The following AHCTF1 variants were observed in gnomAD, a reference collection of about 807,000 sequenced individuals.
The protein encoded by AHCTF1 is protein ELYS.
A neutral mutation model predicts 248.4 loss-of-function variants in AHCTF1; 24 were observed. The ratio of observed to expected loss-of-function variants is 0.10; its 90% CI spans 0.07 to 0.14. AHCTF1 has a LOEUF of 0.14. Among genes scored for constraint, AHCTF1 ranks in the 10% least tolerant of loss-of-function variants. The probability of loss-of-function intolerance (pLI) is 1.00; values close to 1 mark genes in which losing one functional copy is unlikely to be tolerated. For synonymous variants in AHCTF1, 786 were observed against 929.8 expected (o/e 0.85, Z 2.81); for missense variants, 2,206 against 2,636.2 (o/e 0.84, Z 3.57).
At chr1:246,852,597 C>T (rs185139212) in intron 32 of AHCTF1, among the ~76,000 whole-genome samples, 6 of 151,954 alleles carry the variant, frequency 3.9e-5, no homozygotes, top group African/African-American at 1.2e-4. Flanking sequence ...ATGCATGGGG[C>T]GGGGGTGTCA....
chr1:246,878,299 A>C (rs768436703), intron 21 of AHCTF1, among the ~76,000 whole-genome samples: 6 of 143,984 alleles, frequency 4.2e-5, no homozygotes, highest in African/African-American at 1.5e-4. Flanking sequence ...CAGTAGGCTA[A>C]GGTGGGAGGA....
At chr1:246,928,098 G>C (rs896220139) in intron 1 of AHCTF1, among the ~76,000 whole-genome samples, 22 of 151,770 alleles carry the variant, frequency 1.4e-4, no homozygotes. Flanking sequence ...TCAGGAGATC[G>C]AGACCATCCT....
intron 24 of AHCTF1, among the ~76,000 whole-genome samples, chr1:246,874,347 T>C (rs929941273): frequency 6.6e-6 from 1 of 152,200 alleles, no homozygotes; most frequent in African/African-American, 2.4e-5. Context: ...CTCTGAGGCA[T>C]GTATTCCTCT....
At chr1:246,878,339 G>A (rs868624156) in intron 21 of AHCTF1, among the ~76,000 whole-genome samples, 1 of 130,342 alleles carries the variant, frequency 7.7e-6, no homozygotes, top group Non-Finnish European at 1.5e-5. Context: ...CAAGGCTGCA[G>A]TGAGCTATGA....
At chr1:246,868,657 G>C (rs1296021412) in intron 24 of AHCTF1, among the ~76,000 whole-genome samples, 1 of 151,342 alleles carries the variant, frequency 6.6e-6, no homozygotes, top group Non-Finnish European at 1.5e-5. Flanking sequence ...TCTAGAAGTT[G>C]GACATGTGCC....
intron 1 of AHCTF1, chr1:246,931,356 T>A: frequency 6.5e-7 from 1 of 1,538,108 alleles, no homozygotes; most frequent in South Asian, 1.2e-5. Flanking sequence ...TCCGAGATTA[T>A]GTAACGAAGC....
chr1:246,853,014 T>C, intron 32 of AHCTF1, 77 bp downstream of exon 32: 1 of 1,077,052 alleles, frequency 9.3e-7, no homozygotes, highest in East Asian at 2.6e-5. Flanking sequence ...ACGTGTTAGA[T>C]TTGAACTACT....
At chr1:246,913,843 A>C (rs919267657) in intron 3 of AHCTF1, among the ~76,000 whole-genome samples, 1 of 152,212 alleles carries the variant, frequency 6.6e-6, no homozygotes, top group Non-Finnish European at 1.5e-5. Flanking sequence ...TAAAGCTCTT[A>C]AACAGCTACT....
chr1:246,855,576 A>G (rs1311899614), intron 31 of AHCTF1, among the ~76,000 whole-genome samples, 154 bp downstream of exon 31: 1 of 152,152 alleles, frequency 6.6e-6, no homozygotes, highest in African/African-American at 2.4e-5. Context: ...ATCTCCTTAG[A>G]ATACTTCTAC....
In AHCTF1 at chr1:246,840,655, T is replaced by C; in HGVS notation, c.*151A>G. ...TGCCTGGACTGAAACAATCACTCCA[T>C]ATGGAGTTACTTTACTTATTGAAGA... On this transcript the variant is annotated 3_prime_UTR_variant, in exon 36 of 36. Transcript: ENST00000648844. The C allele has an allele frequency of 7.9e-6, 4 of 503,272 alleles. No individual in the cohort carries two copies. The highest frequency in any genetic ancestry group is 1.3e-5 in the Non-Finnish European group (4 of 302,826). The allele number at this position is 503,272 out of a possible 1,614,324, so 31.2% of individuals were successfully genotyped here.
Position 246,899,490 on chromosome 1 carries a change from C to T in AHCTF1, c.1455G>A (p.Ser485=), listed in dbSNP as rs541781154. ...YNFDATCLLN[S]GVVHLTCTGF... is the part of the protein sequence containing the mutation. Reference sequence around the variant, plus strand: ...CAGTACAAGTTAAATGAACAACTCCCGAGTTTAACAAACAAGTGGCATCTA... The same window carrying T: ...CAGTACAAGTTAAATGAACAACTCCTGAGTTTAACAAACAAGTGGCATCTA... The change falls in exon 11 of 36, where the codon TCG becomes TCA. Residue 485 remains serine (S), a synonymous_variant. Transcript: ENST00000648844. 2.3e-4 allele frequency: 376 copies of T among 1,606,600 alleles called. 5 individuals are homozygous for T. In the South Asian group the frequency reaches 3.9e-3, roughly 17 times the overall value.
In AHCTF1 at chr1:246,850,820, C is replaced by T; in HGVS notation, c.5186G>A (p.Ser1729Asn). ...GGAGGAAACCACGTCATCAACCTGGCTGACATTCATAGTCATTGTGCTTGT... is the reference window on the plus strand; with the variant it reads ...GGAGGAAACCACGTCATCAACCTGGTTGACATTCATAGTCATTGTGCTTGT... ...QETSTMTMNV[S>N]QVDDVVSSKT... is the part of the protein sequence containing the mutation. The change falls in exon 33 of 36, where the codon AGC becomes AAC. Residue 1729 changes from serine to asparagine, a missense_variant. Coordinates refer to ENST00000648844, the MANE Select transcript of AHCTF1 (RefSeq NM_001323342.2). 2 of 1,613,850 alleles carry T rather than the reference C, an allele frequency of 1.2e-6. No individual in the cohort carries two copies. Among genetic ancestry groups the T allele is most frequent in the Non-Finnish European group, 1.7e-6 (2 of 1,179,848 alleles).
chr1:246,843,653 A>G, intron 34 of AHCTF1, 142 bp downstream of exon 34: 1 of 747,692 alleles, frequency 1.3e-6, no homozygotes, highest in Non-Finnish European at 1.8e-6. Context: ...GGTATGCATG[A>G]CTGTTATCTT....
intron 33 of AHCTF1, among the ~76,000 whole-genome samples, chr1:246,846,157 G>A (rs1660244818): frequency 6.7e-6 from 1 of 149,688 alleles, no homozygotes; most frequent in Non-Finnish European, 1.5e-5. Context: ...TATGAAATGT[G>A]AAGTTTCATA....
At chr1:246,885,708 A>G in intron 20 of AHCTF1, 28 bp from the exon 21 acceptor site, 1 of 1,571,936 alleles carries the variant, frequency 6.4e-7, no homozygotes, top group Non-Finnish European at 8.7e-7. Flanking sequence ...AATGTTAAAT[A>G]TAAATATAAT....
chr1:246,872,784 G>A (rs763579498), intron 24 of AHCTF1, among the ~76,000 whole-genome samples: 6 of 152,100 alleles, frequency 3.9e-5, no homozygotes, highest in Admixed American at 1.3e-4. Flanking sequence ...TTGAACCTTC[G>A]AAGTGTGCTG....
intron 21 of AHCTF1, among the ~76,000 whole-genome samples, chr1:246,884,360 C>T (rs1249462805): frequency 1.3e-5 from 2 of 151,844 alleles, no homozygotes; most frequent in Non-Finnish European, 2.9e-5. Context: ...TAGATCTTAC[C>T]CTCTTATCCG....
Position 246,862,732 on chromosome 1 carries a change from CTTAAA to C in AHCTF1, c.3541-584_3541-580del, listed in dbSNP as rs1318945718. ...AAGTGCCAATTAGTAAGATAAATTA[CTTAAA>C]TTATAGAATTATACAAATCTAATTA... On this transcript the variant is annotated intron_variant, in intron 27 of 35. Transcript: ENST00000648844. Among the ~76,000 whole-genome samples, 6 of 152,218 alleles carry C rather than the reference CTTAAA, an allele frequency of 3.9e-5. No individual in the cohort carries two copies. In the East Asian group the frequency reaches 5.8e-4, roughly 15 times the overall value.
chr1:246,845,310 T>C (rs1438875428), intron 33 of AHCTF1, among the ~76,000 whole-genome samples: 2 of 152,090 alleles, frequency 1.3e-5, no homozygotes, highest in Non-Finnish European at 2.9e-5. Context: ...TAGGTGTATA[T>C]ATAAAAATGT....
Sources: allele counts gnomAD v4.1 joint callset (sites outside exome capture counted in the v4.1 genomes callset), GRCh38; gene constraint gnomAD v4.1.1; transcripts MANE v1.5; gene names NCBI Gene and HGNC (gene_info 2026-07-23, HGNC 2026-07-21).